RUSC1: variants seen among roughly 807,000 people sequenced by gnomAD.
RUSC1 encodes the protein RUN and SH3 domain containing 1.
Under a neutral mutation model 72.1 loss-of-function variants are expected in RUSC1, and 40 were observed. That is an observed-to-expected ratio of 0.55 (90% CI 0.43 to 0.72). RUSC1 has a LOEUF of 0.72. Ranked by LOEUF, RUSC1 falls within the 30% of genes least tolerant of loss-of-function variation. The pLI, the probability that RUSC1 is intolerant of heterozygous loss-of-function variation, is 0.00. For missense variants in RUSC1, 1,092 were observed against 1,172.3 expected (o/e 0.93, Z 1.00); for synonymous variants, 512 against 494.2 (o/e 1.04, Z -0.48).
rs2148273545 is a variant in RUSC1 at position 155,324,757 on chromosome 1, G to A, written c.1358-88G>A. On this transcript the variant is annotated intron_variant, in intron 2 of 9. Transcript: ENST00000368352. ...GACCCTTCGGGGACACAGCACTGCAGACCCGCCGGAGACAACTTGTGCGGG... is the reference window on the plus strand; with the variant it reads ...GACCCTTCGGGGACACAGCACTGCAAACCCGCCGGAGACAACTTGTGCGGG... The A allele has an allele frequency of 9.3e-6, 15 of 1,605,654 alleles. No individual in the cohort carries two copies. The South Asian group carries it at 1.2e-4, about 13-fold the overall frequency.
Position 155,326,589 on chromosome 1 carries a change from C to T in RUSC1, c.1871C>T (p.Ser624Phe). The change falls in exon 8 of 10, where the codon TCC (serine) becomes TTC (phenylalanine). Residue 624 changes from serine (S) to phenylalanine (F), a missense_variant. Coordinates refer to ENST00000368352, the MANE Select transcript of RUSC1 (RefSeq NM_001105203.2). The surrounding 1 kb of genome is among the most constrained non-coding windows in gnomAD (Gnocchi z 4.7). ...GCCTGCTCTTTTCCAGGCCTGCTCT[C>T]CCTCCTGTACCTGCCAACAGGATTT... ...SSLQEDAGLLSLLYLPTGFFS... is the reference protein window; with the variant it reads ...SSLQEDAGLLFLLYLPTGFFS... The T allele has an allele frequency of 6.2e-7, 1 of 1,608,470 alleles. No individual in the cohort carries two copies. The highest frequency in any genetic ancestry group is 8.5e-7 in the Non-Finnish European group (1 of 1,176,018).
chr1:155,324,788 G>A, intron 2 of RUSC1, 57 bp from the exon 3 acceptor site: 1 of 1,611,974 alleles, frequency 6.2e-7, no homozygotes, highest in Non-Finnish European at 8.5e-7. Context: ...GCGGGAGCCC[G>A]GAGTCCTCGG....
intron 8 of RUSC1, 73 bp from the exon 9 acceptor site, chr1:155,328,077 C>T: frequency 6.5e-7 from 1 of 1,544,740 alleles, no homozygotes; most frequent in Non-Finnish European, 8.7e-7. Flanking sequence ...TAGCCTCTCC[C>T]TCCCTCCAAA....
At chr1:155,324,396 C>G in intron 2 of RUSC1, 1 of 1,613,020 alleles carries the variant, frequency 6.2e-7, no homozygotes, top group Non-Finnish European at 8.5e-7. Context: ...TCCCTTTCCC[C>G]TGTCTGTCTT....
At position 155,322,946 on chromosome 1, in the gene RUSC1, A is replaced by T; in HGVS notation, c.1173A>T (p.Pro391=). 6.3e-7 allele frequency: 1 copy of T among 1,580,668 alleles called. No individual in the cohort carries two copies. Among genetic ancestry groups the T allele is most frequent in the South Asian group, 1.1e-5 (1 of 88,472 alleles). The change falls in exon 2 of 10, where the codon CCA becomes CCT. Residue 391 remains proline (P), a synonymous_variant. Transcript: ENST00000368352. ...PAPPVPPRDP[P]VGWALVPPRP... ...CGCCAGTCCCGCCTCGAGACCCCCC[A>T]GTTGGCTGGGCTTTGGTCCCGCCCC...
At chr1:155,330,248 G>T (rs908257903) in intron 9 of RUSC1, among the ~76,000 whole-genome samples, 155 bp from the exon 10 acceptor site, 2 of 152,178 alleles carry the variant, frequency 1.3e-5, no homozygotes, top group Non-Finnish European at 2.9e-5. Context: ...GCCCCAGATA[G>T]AATCACCAAG....
rs1358507096 is a variant in RUSC1 at position 155,325,803 on chromosome 1, AC to A, written c.1815-58del. 1.9e-6 allele frequency: 3 copies of A among 1,596,456 alleles called. No individual in the cohort carries two copies. Among genetic ancestry groups the A allele is most frequent in the African/African-American group, 2.7e-5 (2 of 74,276 alleles). On this transcript the variant is annotated intron_variant, in intron 6 of 9. Coordinates refer to ENST00000368352, the MANE Select transcript of RUSC1 (RefSeq NM_001105203.2). This position sits in a 1 kb window ranked among gnomAD's most constrained non-coding sequence, Gnocchi z 6.5. ...CTTCCAATCTCATCTCCCATCCTCCACCCAGAGAGGACTGGAGTCCTCCACC... is the reference window on the plus strand; with the variant it reads ...CTTCCAATCTCATCTCCCATCCTCCACCAGAGAGGACTGGAGTCCTCCACC...
chr1:155,326,511 G>A lies in RUSC1; in HGVS notation c.1862-69G>A. Reference sequence around the variant, plus strand: ...CCTGGGAAGATGTGTGCTGACTGGTGGGCTGCTCTGGGGGGTCTTCTGGGA... The same window carrying A: ...CCTGGGAAGATGTGTGCTGACTGGTAGGCTGCTCTGGGGGGTCTTCTGGGA... On this transcript the variant is annotated intron_variant, in intron 7 of 9. Transcript: ENST00000368352. This position sits in a 1 kb window ranked among gnomAD's most constrained non-coding sequence, Gnocchi z 4.7. 1.4e-6 allele frequency: 2 copies of A among 1,467,484 alleles called. No homozygotes were observed. The highest frequency in any genetic ancestry group is 1.9e-6 in the Non-Finnish European group (2 of 1,077,628). 90.9% of individuals were successfully genotyped at this position (1,467,484 alleles called of 1,614,324 possible). A position where few individuals can be genotyped will look rare whatever the true frequency, so the allele number is the denominator to read the frequency against.
At chr1:155,329,121 C>T (rs1293254902) in intron 9 of RUSC1, among the ~76,000 whole-genome samples, 1 of 152,084 alleles carries the variant, frequency 6.6e-6, no homozygotes, top group East Asian at 1.9e-4. Flanking sequence ...CAGAGTCTCA[C>T]TCTCGCCCAG....
Position 155,330,788 on chromosome 1 carries a change from C to A in RUSC1, c.*217C>A. 2.0e-6 allele frequency: 1 copy of A among 491,908 alleles called. No individual in the cohort carries two copies. The highest frequency in any genetic ancestry group is 3.6e-6 in the Non-Finnish European group (1 of 279,716). 30.5% of individuals were successfully genotyped at this position (491,908 alleles called of 1,614,324 possible). ...CCAAATATATAAAAAAGGAATTGCC[C>A]TCCAGGTAATCCCTTTCCTTTTTCC... is the stretch of plus-strand genomic sequence containing the variant. On this transcript the variant is annotated 3_prime_UTR_variant, in exon 10 of 10. Transcript: ENST00000368352.
intron 9 of RUSC1, among the ~76,000 whole-genome samples, chr1:155,329,953 GA>G (rs1025418792): frequency 0.057 from 2,634 of 46,020 alleles, 83 homozygotes; most frequent in African/African-American, 0.15. Context: ...TCTGTCTCAA[GA>G]AAAAAAAAAA....
At chr1:155,324,508 T>C in intron 2 of RUSC1, 2 of 1,605,086 alleles carry the variant, frequency 1.2e-6, no homozygotes, top group Non-Finnish European at 1.7e-6. Context: ...CGCCCCGTCC[T>C]CTCCCGCCCT....
In RUSC1 at chr1:155,325,170, G is replaced by C; in HGVS notation, c.1525G>C (p.Val509Leu). ...ISHFGAARNLVQKAQLGDSRL... is the reference protein window; with the variant it reads ...ISHFGAARNLLQKAQLGDSRL... ...GCATTTCGGGGCCGCCCGGAACTTG[G>C]TGCAGAAGGTGAAGGTGGCTGGGGG... Residue 509 changes from valine (V) to leucine (L), a missense_variant, in exon 4 of 10, where the codon GTG becomes CTG. By Grantham distance (32) the Val-to-Leu change is conservative. Coordinates refer to ENST00000368352, the MANE Select transcript of RUSC1 (RefSeq NM_001105203.2). This position sits in a 1 kb window ranked among gnomAD's most constrained non-coding sequence, Gnocchi z 6.5. 6.2e-7 allele frequency: 1 copy of C among 1,614,248 alleles called. No individual in the cohort carries two copies. Among genetic ancestry groups the C allele is most frequent in the Admixed American group, 1.7e-5 (1 of 60,032 alleles).
In RUSC1 at chr1:155,322,326, C is replaced by T. The variant is rs772907662; in HGVS notation, c.553C>T (p.Leu185=). The T allele has an allele frequency of 3.1e-6, 5 of 1,612,654 alleles. No homozygotes were observed. The highest frequency in any genetic ancestry group is 1.7e-5 in the Admixed American group (1 of 59,936). The change falls in exon 2 of 10, where the codon CTG becomes TTG. Residue 185 remains leucine, a synonymous_variant. Coordinates refer to ENST00000368352, the MANE Select transcript of RUSC1 (RefSeq NM_001105203.2). ...TGGCCTGGACTCGAACTGCAACGCC[C>T]TGACCACCTGCCAGGACGTCCCTTC... ...DPGLDSNCNA[L]TTCQDVPSPG...
At chr1:155,324,709 G>A (rs925125262) in intron 2 of RUSC1, 136 bp from the exon 3 acceptor site, 15 of 1,558,464 alleles carry the variant, frequency 9.6e-6, no homozygotes, top group South Asian at 5.9e-5. Context: ...TGCTTCAGGC[G>A]GTCCTGCGCC....
intron 1 of RUSC1, chr1:155,321,461 C>T: frequency 6.9e-7 from 1 of 1,448,988 alleles, no homozygotes; most frequent in African/African-American, 1.4e-5. Context: ...CAGAGCGCAG[C>T]CGCGTTCTCT....
intron 2 of RUSC1, chr1:155,323,471 G>A: frequency 5.0e-6 from 1 of 201,934 alleles, no homozygotes; most frequent in Non-Finnish European, 9.9e-6. Flanking sequence ...CTGTTGGAGG[G>A]TGGGGGCGCA....
In RUSC1 at chr1:155,325,932, G is replaced by C. The variant is rs141901089; in HGVS notation, c.1861+22G>C. On this transcript the variant is annotated intron_variant, in intron 7 of 9. Coordinates refer to ENST00000368352, the MANE Select transcript of RUSC1 (RefSeq NM_001105203.2). This position sits in a 1 kb window ranked among gnomAD's most constrained non-coding sequence, Gnocchi z 6.5. Reference sequence around the variant, plus strand: ...GCAGGTCAGAGGTTCAGATGGTAGAGGATGGGGCTGATGGGCTGGGAGGAT... The same window carrying C: ...GCAGGTCAGAGGTTCAGATGGTAGACGATGGGGCTGATGGGCTGGGAGGAT... 1 of 1,613,240 alleles carries C rather than the reference G, an allele frequency of 6.2e-7. No individual in the cohort carries two copies. Among genetic ancestry groups the C allele is most frequent in the Admixed American group, 1.7e-5 (1 of 60,028 alleles).
chr1:155,321,997 A>G lies in RUSC1; in HGVS notation c.224A>G (p.Gln75Arg). ...CCAGCTGTGCCCTGCCGGTGCTGCC[A>G]GGAGCACGGTCCGGGCCTAGAAAAC... ...NSPAVPCRCC[Q>R]EHGPGLENRQ... Residue 75 changes from glutamine (Q) to arginine (R), a missense_variant, in exon 2 of 10, where the codon CAG (glutamine) becomes CGG (arginine). Transcript: ENST00000368352. 1.2e-6 allele frequency: 2 copies of G among 1,601,684 alleles called. No individual in the cohort carries two copies. Among genetic ancestry groups the G allele is most frequent in the Non-Finnish European group, 1.7e-6 (2 of 1,172,938 alleles).
Sources: allele counts gnomAD v4.1 joint callset (sites outside exome capture counted in the v4.1 genomes callset), GRCh38; gene constraint gnomAD v4.1.1; non-coding constraint Gnocchi (gnomAD v3.1); transcripts MANE v1.5; gene names NCBI Gene and HGNC (gene_info 2026-07-23, HGNC 2026-07-21).